The following HCK variants were observed in gnomAD, a reference collection of about 807,000 sequenced individuals.
The protein encoded by HCK is HCK proto-oncogene, Src family tyrosine kinase, also known as tyrosine-protein kinase HCK.
HCK carries 40 observed loss-of-function variants against 70.4 expected under a neutral mutation model. The observed-to-expected ratio is 0.57, with a 90% confidence interval of 0.44 to 0.74. The LOEUF is 0.74. HCK is among the 30% of genes least tolerant of loss of function. The pLI is 0.00. For synonymous variants in HCK, 245 were observed against 263.2 expected, an observed-to-expected ratio of 0.93 and a Z score of 0.67; for missense variants, 568 against 697.2, an observed-to-expected ratio of 0.81 and a Z score of 2.09.
intron 12 of HCK, among the ~76,000 whole-genome samples, chr20:32,100,365 A>G (rs2046017354): frequency 1.3e-5 from 2 of 152,174 alleles, no homozygotes; most frequent in Admixed American, 6.5e-5. Flanking sequence ...GGCAGAGGTG[A>G]TGATGGTCTG....
chr20:32,089,700 A>G (rs1353901625), intron 10 of HCK, among the ~76,000 whole-genome samples: 2 of 152,116 alleles, frequency 1.3e-5, no homozygotes, highest in Admixed American at 6.5e-5. Flanking sequence ...GTCCTCTCTC[A>G]TGCTCTCTCT....
chr20:32,091,091 A>C (rs74502037), intron 10 of HCK, among the ~76,000 whole-genome samples: 8,964 of 152,312 alleles, frequency 0.059, 367 homozygotes, highest in Middle Eastern at 0.14. Flanking sequence ...ACAGAGCTGC[A>C]GCGCTCAAGC....
intron 11 of HCK, among the ~76,000 whole-genome samples, chr20:32,098,326 T>C (rs1210181786): frequency 6.6e-6 from 1 of 152,050 alleles, no homozygotes; most frequent in Non-Finnish European, 1.5e-5. Flanking sequence ...CCACCATACC[T>C]GGCCAAAAAA....
chr20:32,058,670 G>T (rs1462953373), intron 1 of HCK, among the ~76,000 whole-genome samples: 3 of 151,158 alleles, frequency 2.0e-5, no homozygotes, highest in African/African-American at 7.3e-5. Flanking sequence ...TGGCGTATAT[G>T]TCTTAGTTTG....
At chr20:32,081,490 T>C (rs183975238) in intron 6 of HCK, among the ~76,000 whole-genome samples, 31 of 152,346 alleles carry the variant, frequency 2.0e-4, no homozygotes, top group African/African-American at 7.2e-4. Flanking sequence ...TTGACTCAAA[T>C]AAGCCAAGTA....
chr20:32,096,528 T>C (rs1201294490), intron 11 of HCK, among the ~76,000 whole-genome samples: 1 of 145,226 alleles, frequency 6.9e-6, no homozygotes, highest in African/African-American at 2.5e-5. Context: ...AAAAGATAGG[T>C]GCTTGCTCTG....
intron 11 of HCK, among the ~76,000 whole-genome samples, chr20:32,095,566 C>T (rs1428846303): frequency 6.6e-6 from 1 of 151,938 alleles, no homozygotes; most frequent in Non-Finnish European, 1.5e-5. Context: ...CCAGAACAGA[C>T]AAATCTAAAG....
rs769647255 is a variant in HCK, at chr20:32,083,922, C to T, written c.561C>T (p.Tyr187=). The change falls in exon 7 of 13, where the codon TAC becomes TAT. Residue 187 remains tyrosine, a synonymous_variant. Coordinates refer to ENST00000375852, the MANE Select transcript of HCK (RefSeq NM_002110.5). Reference sequence around the variant, plus strand: ...GCTACTCTTTGTCCGTGCGAGACTACGACCCTCGGCAGGGAGATACCGTGA... The same window carrying T: ...GCTACTCTTTGTCCGTGCGAGACTATGACCCTCGGCAGGGAGATACCGTGA... 18 of 1,614,038 alleles carry T rather than the reference C, an allele frequency of 1.1e-5. No homozygotes were observed. The highest frequency in any genetic ancestry group is 3.3e-5 in the South Asian group (3 of 91,092).
chr20:32,074,564 G>T (rs2045594014), intron 4 of HCK, 59 bp from the exon 5 acceptor site: 2 of 1,285,556 alleles, frequency 1.6e-6, no homozygotes, highest in South Asian at 2.4e-5. Context: ...TGGGGAGCTT[G>T]AGGAGACTGG....
chr20:32,099,343 C>T lies in HCK; in HGVS notation c.1378+208C>T, dbSNP rs529847002. Among the ~76,000 whole-genome samples, 17 of 145,476 alleles carry T rather than the reference C, an allele frequency of 1.2e-4. 1 individual carries two copies. The South Asian group carries it at 3.2e-3, about 27-fold the overall frequency. ...CCTTGGCCCTTCCTTCTCTCTCACT[C>T]CTATGACTTTTTTTTTTTTTTTTTT... On this transcript the variant is annotated intron_variant, in intron 12 of 12. Coordinates refer to ENST00000375852, the MANE Select transcript of HCK (RefSeq NM_002110.5).
At chr20:32,087,874 C>T (rs2045812280) in intron 9 of HCK, among the ~76,000 whole-genome samples, 1 of 152,004 alleles carries the variant, frequency 6.6e-6, no homozygotes, top group Non-Finnish European at 1.5e-5. Flanking sequence ...AATCTCCTGA[C>T]CTTGTGATCC....
intron 1 of HCK, among the ~76,000 whole-genome samples, chr20:32,065,235 A>G (rs779140311): frequency 3.9e-5 from 6 of 152,200 alleles, no homozygotes; most frequent in Non-Finnish European, 8.8e-5. Flanking sequence ...TTTAGTGTAT[A>G]TACTAATTTC....
Position 32,086,807 on chromosome 20 carries a change from G to C in HCK, c.1015G>C (p.Gly339Arg). 1 of 1,571,058 alleles carries C rather than the reference G, an allele frequency of 6.4e-7. No homozygotes were observed. The highest frequency in any genetic ancestry group is 8.6e-7 in the Non-Finnish European group (1 of 1,157,910). The change falls in exon 9 of 13, where the codon GGA (glycine) becomes CGA (arginine). Residue 339 changes from glycine (G) to arginine (R), a missense_variant and splice_region_variant. By Grantham distance (125) the Gly-to-Arg change is moderately radical. Coordinates refer to ENST00000375852, the MANE Select transcript of HCK (RefSeq NM_002110.5). The stretch of plus-strand genomic sequence containing the variant: ...CATCATCACGGAGTTCATGGCCAAA[G>C]GTGCTGCGTGCTGGGGCTGGGGGTG...
intron 6 of HCK, among the ~76,000 whole-genome samples, chr20:32,082,277 T>C (rs960380876): frequency 7.9e-5 from 12 of 152,180 alleles, no homozygotes; most frequent in African/African-American, 2.9e-4. Flanking sequence ...ATTATTCTTA[T>C]TCATTCATTG....
chr20:32,095,166 C>CA (rs1361496460), intron 11 of HCK, among the ~76,000 whole-genome samples: 3 of 152,198 alleles, frequency 2.0e-5, no homozygotes, highest in Non-Finnish European at 2.9e-5. Context: ...GGCTAGAACA[C>CA]AGATGACCCT....
Position 32,086,707 on chromosome 20 carries a change from G to A in HCK, c.915G>A (p.Glu305=), listed in dbSNP as rs145436208. Reference sequence around the variant, plus strand: ...TGTCGGTGGAGGCCTTCCTGGCAGAGGCCAACGTGATGAAAACTCTGCAGC... The same window carrying A: ...TGTCGGTGGAGGCCTTCCTGGCAGAAGCCAACGTGATGAAAACTCTGCAGC... The change falls in exon 9 of 13, where the codon GAG becomes GAA. Residue 305 remains glutamate, a synonymous_variant. Transcript: ENST00000375852. 7 of 1,613,508 alleles carry A rather than the reference G, an allele frequency of 4.3e-6. No homozygotes were observed. In the African/African-American group the frequency reaches 9.3e-5, roughly 22 times the overall value.
At chr20:32,077,770 T>C (rs986711780) in intron 5 of HCK, among the ~76,000 whole-genome samples, 1 of 152,120 alleles carries the variant, frequency 6.6e-6, no homozygotes, top group African/African-American at 2.4e-5. Context: ...GTGATCCTCC[T>C]GCCTTGGCCT....
intron 6 of HCK, 130 bp downstream of exon 6, chr20:32,080,007 T>A (rs2045687070): frequency 4.4e-6 from 3 of 687,242 alleles, no homozygotes. Flanking sequence ...CTGCCAGGTT[T>A]CTCCTGCTCT....
chr20:32,071,907 A>G, intron 2 of HCK, 125 bp downstream of exon 2: 1 of 1,189,748 alleles, frequency 8.4e-7, no homozygotes, highest in Non-Finnish European at 1.2e-6. Flanking sequence ...CTGACTGGCC[A>G]CCAACAGTGT....
Sources: allele counts gnomAD v4.1 joint callset (sites outside exome capture counted in the v4.1 genomes callset), GRCh38; gene constraint gnomAD v4.1.1; transcripts MANE v1.5; gene names NCBI Gene and HGNC (gene_info 2026-07-23, HGNC 2026-07-21).